The following GRAMD1C variants were observed in gnomAD, a reference collection of about 807,000 sequenced individuals.
The protein encoded by GRAMD1C is protein Aster-C.
GRAMD1C carries 89 observed loss-of-function variants against 97.8 expected under a neutral mutation model. That is an observed-to-expected ratio of 0.91 (90% confidence interval 0.77 to 1.09). GRAMD1C has a LOEUF of 1.09. GRAMD1C is among the 50% of genes least tolerant of loss of function. GRAMD1C has a pLI of 0.00. For missense variants in GRAMD1C, 740 were observed against 766.4 expected (o/e 0.97, Z 0.41); for synonymous variants, 256 against 267.0 (o/e 0.96, Z 0.40).
rs575729599 is a variant in GRAMD1C, at chr3:113,840,711, G to T, written c.27+1775G>T. Among the ~76,000 whole-genome samples the T allele has an allele frequency of 3.3e-5, 5 of 152,328 alleles. No homozygotes were observed. In the East Asian group the frequency reaches 9.6e-4, roughly 29 times the overall value. On this transcript the variant is annotated intron_variant, in intron 1 of 17. Coordinates refer to ENST00000358160, the MANE Select transcript of GRAMD1C (RefSeq NM_017577.5). ...GTTGAGACTGCAGTGACCCCTGTTTGTGCCATTGCACTCCAGCCTGGGTGA... is the reference window on the plus strand; with the variant it reads ...GTTGAGACTGCAGTGACCCCTGTTTTTGCCATTGCACTCCAGCCTGGGTGA...
At chr3:113,895,001 A>G (rs1239561251) in intron 6 of GRAMD1C, among the ~76,000 whole-genome samples, 4 of 152,246 alleles carry the variant, frequency 2.6e-5, no homozygotes, top group African/African-American at 4.8e-5. Context: ...GTGTATAAAA[A>G]GAAAGAATAT....
chr3:113,873,524 AT>A (rs556654708), intron 3 of GRAMD1C, among the ~76,000 whole-genome samples: 41 of 146,618 alleles, frequency 2.8e-4, no homozygotes, highest in Admixed American at 4.8e-4. Context: ...TTTTTATTTT[AT>A]TTTTTTTTTT....
chr3:113,924,434 T>C lies in GRAMD1C; in HGVS notation c.1091-6280T>C, dbSNP rs575680387. Among the ~76,000 whole-genome samples, 6 of 152,266 alleles carry C rather than the reference T, an allele frequency of 3.9e-5. No homozygotes were observed. The East Asian group carries it at 5.8e-4, about 15-fold the overall frequency. On this transcript the variant is annotated intron_variant, in intron 10 of 17. Transcript: ENST00000358160. ...TAGCACTATAAACTTGTAACACTGC[T>C]TTAGCTGTGTCCCAGAGATTCTGGT...
chr3:113,850,634 G>T (rs1055833276), intron 2 of GRAMD1C: 1 of 1,607,294 alleles, frequency 6.2e-7, no homozygotes, highest in Non-Finnish European at 8.5e-7. Context: ...CTGCCAGCTC[G>T]GGTGCTTAGG....
intron 17 of GRAMD1C, among the ~76,000 whole-genome samples, chr3:113,941,819 A>C (rs1401354454): frequency 6.6e-6 from 1 of 151,920 alleles, no homozygotes; most frequent in African/African-American, 2.4e-5. Flanking sequence ...GGGTTTCGCC[A>C]TGTTGGCCAG....
intron 1 of GRAMD1C, among the ~76,000 whole-genome samples, chr3:113,829,887 G>A (rs980620459): frequency 5.3e-5 from 8 of 152,128 alleles, no homozygotes; most frequent in African/African-American, 1.7e-4. Flanking sequence ...CCTGAGGTTC[G>A]TTGTCCCACG....
intron 6 of GRAMD1C, among the ~76,000 whole-genome samples, chr3:113,887,046 C>G (rs1247897657): frequency 7.0e-6 from 1 of 143,302 alleles, no homozygotes; most frequent in Non-Finnish European, 1.5e-5. Context: ...TCCCAAAGTG[C>G]TGGGATTACA....
intron 11 of GRAMD1C, among the ~76,000 whole-genome samples, chr3:113,931,462 G>A (rs577729521): frequency 1.3e-5 from 2 of 151,472 alleles, no homozygotes; most frequent in African/African-American, 2.4e-5. Context: ...AGGTTCAAGC[G>A]ATTCTCCTGT....
intron 10 of GRAMD1C, among the ~76,000 whole-genome samples, chr3:113,917,541 C>T (rs1160253560): frequency 6.6e-6 from 1 of 151,934 alleles, no homozygotes; most frequent in Non-Finnish European, 1.5e-5. Context: ...ATGCTGGTCT[C>T]AAACTCCTGG....
chr3:113,909,156 T>C (rs754382695), intron 9 of GRAMD1C, 36 bp downstream of exon 9: 2 of 1,050,396 alleles, frequency 1.9e-6, no homozygotes, highest in South Asian at 3.5e-5. Context: ...TAAATTTCAG[T>C]TATGTCTTTT....
chr3:113,903,139 ATT>A (rs201449989), intron 7 of GRAMD1C, among the ~76,000 whole-genome samples: 2 of 135,822 alleles, frequency 1.5e-5, no homozygotes, highest in South Asian at 2.4e-4. Flanking sequence ...TAATTTTTGC[ATT>A]TTTTTTTTTT....
At chr3:113,894,628 A>G (rs1298133519) in intron 6 of GRAMD1C, among the ~76,000 whole-genome samples, 2 of 152,108 alleles carry the variant, frequency 1.3e-5, no homozygotes, top group African/African-American at 2.4e-5. Flanking sequence ...TTGCCAGCAC[A>G]TGGGGGCTAT....
intron 1 of GRAMD1C, among the ~76,000 whole-genome samples, chr3:113,842,024 T>TAA (rs1933348261): frequency 6.6e-6 from 1 of 152,186 alleles, no homozygotes; most frequent in Non-Finnish European, 1.5e-5. Flanking sequence ...TGAAAGCCAA[T>TAA]TTGTAAGCTC....
intron 2 of GRAMD1C, among the ~76,000 whole-genome samples, chr3:113,869,036 C>T (rs1054685170): frequency 1.3e-5 from 2 of 152,050 alleles, no homozygotes; most frequent in Admixed American, 6.6e-5. Context: ...CAAATCACAG[C>T]TCAACCCTCT....
chr3:113,841,607 T>A (rs1419129612), intron 1 of GRAMD1C, among the ~76,000 whole-genome samples: 1 of 152,114 alleles, frequency 6.6e-6, no homozygotes, highest in Non-Finnish European at 1.5e-5. Flanking sequence ...AGGTCTTACA[T>A]AACAAGTTTT....
chr3:113,946,992 G>C lies in GRAMD1C; in HGVS notation c.*1514G>C, dbSNP rs2107398507. On this transcript the variant is annotated 3_prime_UTR_variant, in exon 18 of 18. Transcript: ENST00000358160. Reference sequence around the variant, plus strand: ...ATTTCTCTGTTAAAGTCACAAAAATGATCGACAAACAATATTTTTGTGATG... The same window carrying C: ...ATTTCTCTGTTAAAGTCACAAAAATCATCGACAAACAATATTTTTGTGATG... 1 of 152,322 alleles carries C rather than the reference G, an allele frequency of 6.6e-6. No homozygotes were observed. Among genetic ancestry groups the C allele is most frequent in the East Asian group, 1.9e-4 (1 of 5,186 alleles). 9.4% of individuals were successfully genotyped at this position (152,322 alleles called of 1,614,324 possible). A position where few individuals can be genotyped will look rare whatever the true frequency, so the allele number is the denominator to read the frequency against.
intron 11 of GRAMD1C, among the ~76,000 whole-genome samples, chr3:113,932,566 T>C (rs1325242017): frequency 1.3e-5 from 2 of 152,206 alleles, no homozygotes; most frequent in Non-Finnish European, 2.9e-5. Context: ...GATTTTTGAA[T>C]TGTTCACCTA....
At chr3:113,910,364 C>T (rs1305398162) in intron 9 of GRAMD1C, among the ~76,000 whole-genome samples, 1 of 152,220 alleles carries the variant, frequency 6.6e-6, no homozygotes, top group Non-Finnish European at 1.5e-5. Flanking sequence ...GCCTGGGTGA[C>T]AGTGTGAGAC....
Position 113,833,116 on chromosome 3 carries a change from CTTTCT to C in GRAMD1C, n.98+4841_98+4845del, listed in dbSNP as rs1159715956. On this transcript the variant is annotated intron_variant and non_coding_transcript_variant, in intron 1 of 18. Transcript: ENST00000479212. ...TTTCTTTTCTTTTCTTTCTTTCTTT[CTTTCT>C]TTTTTTTTTTTTTTGTGTGTGTGCG... is the stretch of plus-strand genomic sequence containing the variant. 5.4e-5 allele frequency among the ~76,000 whole-genome samples: 7 copies of C among 129,812 alleles called. No homozygotes were observed. The South Asian group carries it at 1.5e-3, about 27-fold the overall frequency. The allele number at this position is 129,812 out of a possible 152,430, so 85.2% of individuals were successfully genotyped here. A position where few individuals can be genotyped will look rare whatever the true frequency, so the allele number is the denominator to read the frequency against.
Sources: allele counts gnomAD v4.1 joint callset (sites outside exome capture counted in the v4.1 genomes callset), GRCh38; gene constraint gnomAD v4.1.1; transcripts MANE v1.5; gene names NCBI Gene and HGNC (gene_info 2026-07-23, HGNC 2026-07-21).